Variants in MPND observed in about 807,000 individuals in gnomAD.
The protein encoded by MPND is MPN domain containing.
Under a neutral mutation model 59.2 loss-of-function variants are expected in MPND, and 56 were observed. The observed-to-expected ratio is 0.95, with a 90% confidence interval of 0.76 to 1.18. MPND has a LOEUF of 1.18. MPND is among the 50% of genes most tolerant of loss of function. The probability of loss-of-function intolerance (pLI) is 0.00; values close to 1 mark genes in which losing one functional copy is unlikely to be tolerated. For missense variants in MPND, 671 were observed against 676.0 expected, an observed-to-expected ratio of 0.99 and a Z score of 0.08; for synonymous variants, 323 against 291.9, an observed-to-expected ratio of 1.11 and a Z score of -1.09.
intron 2 of MPND, among the ~76,000 whole-genome samples, chr19:4,345,466 CAGCAG>C (rs1972165063): frequency 1.3e-5 from 2 of 152,182 alleles, no homozygotes; most frequent in Non-Finnish European, 2.9e-5. Context: ...CCTGGAGACA[CAGCAG>C]TGATCAAGAC....
rs547112487 is a variant in MPND at position 4,349,979 on chromosome 19, G to A, written c.532-2918G>A. Among the ~76,000 whole-genome samples the A allele has an allele frequency of 9.7e-4, 147 of 152,268 alleles. 1 individual carries two copies. Among genetic ancestry groups the A allele is most frequent in the Non-Finnish European group, 1.7e-3 (118 of 68,034 alleles). On this transcript the variant is annotated intron_variant, in intron 3 of 12. Transcript: ENST00000599840. ...TCTTTCAGTATGTATTCAGTTAGTG[G>A]CCAACTGTGTGCAAGGCCTGTTTTA...
intron 6 of MPND, 198 bp downstream of exon 6, chr19:4,354,618 G>C (rs1972394174): frequency 1.7e-6 from 1 of 605,918 alleles, no homozygotes; most frequent in South Asian, 2.0e-5. Context: ...TATAATCCCA[G>C]CACTTTGGGA....
At chr19:4,347,853 G>A in intron 3 of MPND, 1 of 271,076 alleles carries the variant, frequency 3.7e-6, no homozygotes, top group Non-Finnish European at 7.5e-6. Flanking sequence ...TCTTGCACTG[G>A]TCACTCTGTA....
At chr19:4,345,479 G>A (rs1281128197) in intron 2 of MPND, among the ~76,000 whole-genome samples, 1 of 152,142 alleles carries the variant, frequency 6.6e-6, no homozygotes, top group East Asian at 1.9e-4. Flanking sequence ...CAGTGATCAA[G>A]ACAGACAGAC....
chr19:4,354,122 T>A lies in MPND; in HGVS notation c.742T>A (p.Leu248Met). The stretch of plus-strand genomic sequence containing the variant: ...CTACTGCATGCTGGGCAGCCGCGAC[T>A]TGGCCAGGTCAGACTCACCCCAAGT... ...VRYCMLGSRD[L>M]ARNPHTLVEV... The change falls in exon 5 of 13, where the codon TTG becomes ATG. Residue 248 changes from leucine (L) to methionine (M), a missense_variant. By Grantham distance (15) the Leu-to-Met change is conservative. Transcript: ENST00000599840. 1 of 1,611,982 alleles carries A rather than the reference T, an allele frequency of 6.2e-7. No homozygotes were observed. The highest frequency in any genetic ancestry group is 8.5e-7 in the Non-Finnish European group (1 of 1,178,250).
At chr19:4,347,639 G>A (rs1000474617) in intron 3 of MPND, 3 of 266,452 alleles carry the variant, frequency 1.1e-5, no homozygotes, top group Admixed American at 5.1e-5. Context: ...AAATGGTTAC[G>A]TTATACAAGC....
intron 3 of MPND, 128 bp downstream of exon 3, chr19:4,346,109 G>A (rs1303178420): frequency 2.0e-5 from 15 of 763,168 alleles, no homozygotes; most frequent in East Asian, 1.3e-4. Flanking sequence ...CCCTTACCAC[G>A]TGACATGCCT....
At chr19:4,359,375 A>G in intron 12 of MPND, 120 bp downstream of exon 12, 3 of 700,284 alleles carry the variant, frequency 4.3e-6, no homozygotes, top group Non-Finnish European at 7.3e-6. Flanking sequence ...CCCAGCTGGC[A>G]GACTGGTGAC....
chr19:4,352,422 C>G (rs941410656), intron 3 of MPND, among the ~76,000 whole-genome samples: 1 of 152,184 alleles, frequency 6.6e-6, no homozygotes, highest in Non-Finnish European at 1.5e-5. Flanking sequence ...CGGTGGCTTA[C>G]GCCTGTAATC....
chr19:4,353,989 C>G (rs527437706), intron 4 of MPND, 56 bp from the exon 5 acceptor site: 100 of 1,508,198 alleles, frequency 6.6e-5, no homozygotes, highest in Non-Finnish European at 5.6e-5. Flanking sequence ...CAGTGGCCAC[C>G]TAATTTGTTC....
intron 4 of MPND, chr19:4,353,788 C>T (rs980532121): frequency 2.3e-6 from 1 of 428,510 alleles, no homozygotes; most frequent in South Asian, 3.5e-5. Context: ...GTCTTGAACT[C>T]CTGGACTTGA....
In MPND at chr19:4,350,410, C is replaced by T. The variant is rs915326982; in HGVS notation, c.532-2487C>T. Among the ~76,000 whole-genome samples, 3 of 151,928 alleles carry T rather than the reference C, an allele frequency of 2.0e-5. No individual in the cohort carries two copies. The East Asian group carries it at 5.8e-4, about 29-fold the overall frequency. Reference sequence around the variant, plus strand: ...GGAAGGACAGGATCTGACTGAGGTGCTCACAGGCGTTCTCTGGTGGCTGCT... The same window carrying T: ...GGAAGGACAGGATCTGACTGAGGTGTTCACAGGCGTTCTCTGGTGGCTGCT... On this transcript the variant is annotated intron_variant, in intron 3 of 12. Transcript: ENST00000599840.
intron 8 of MPND, chr19:4,357,026 G>A: frequency 2.3e-6 from 1 of 426,386 alleles, no homozygotes; most frequent in Non-Finnish European, 4.1e-6. Context: ...TGACTTTGGT[G>A]TCCTGGCTTT....
intron 8 of MPND, chr19:4,356,975 C>T (rs1972451600): frequency 2.9e-6 from 1 of 343,940 alleles, no homozygotes; most frequent in Non-Finnish European, 5.2e-6. Context: ...TACTGTGTGG[C>T]GACCATTATT....
intron 3 of MPND, among the ~76,000 whole-genome samples, chr19:4,351,420 A>C (rs1972312925): frequency 6.6e-6 from 1 of 152,140 alleles, no homozygotes; most frequent in African/African-American, 2.4e-5. Flanking sequence ...AAGGTTACTG[A>C]AAGACGTGAA....
Position 4,345,957 on chromosome 19 carries a change from C to T in MPND, c.507C>T (p.His169=). ...KATWLRLHQL[H]TPATAADESP... Reference sequence around the variant, plus strand: ...CCTGGCTCCGGCTGCACCAGCTGCACACGCCTGCCACGGCTGCTGATGAGG... The same window carrying T: ...CCTGGCTCCGGCTGCACCAGCTGCATACGCCTGCCACGGCTGCTGATGAGG... Residue 169 remains histidine (H), a synonymous_variant, in exon 3 of 13, where the codon CAC becomes CAT. Coordinates refer to ENST00000599840, the MANE Select transcript of MPND (RefSeq NM_001300862.2). 1.2e-6 allele frequency: 2 copies of T among 1,612,192 alleles called. No homozygotes were observed. The highest frequency in any genetic ancestry group is 1.1e-5 in the South Asian group (1 of 91,044).
chr19:4,343,653 G>GGGGCTGCAGGGGCGCC, intron 1 of MPND, 53 bp downstream of exon 1: 1 of 1,202,514 alleles, frequency 8.3e-7, no homozygotes. Context: ...GCAGGGGCGC[G>GGGGCTGCAGGGGCGCC]GGGCTGCAGA....
At chr19:4,345,223 T>C (rs922882560) in intron 2 of MPND, among the ~76,000 whole-genome samples, 10 of 151,288 alleles carry the variant, frequency 6.6e-5, no homozygotes, top group Admixed American at 1.3e-4. Context: ...ATTTTTATAT[T>C]TTTAGTAGAG....
At chr19:4,347,218 T>C (rs1333273647) in intron 3 of MPND, 1 of 151,166 alleles carries the variant, frequency 6.6e-6, no homozygotes, top group African/African-American at 2.4e-5. Context: ...TCAAGAGTAA[T>C]GTCCTTTCTT....
Sources: gnomAD v4.1 joint callset for allele counts (sites outside exome capture counted in the v4.1 genomes callset) on GRCh38, gnomAD v4.1.1 for gene constraint, MANE v1.5 for transcripts, NCBI Gene and HGNC (gene_info 2026-07-23, HGNC 2026-07-21) for gene names.